Variants in ARSB observed in about 807,000 individuals in gnomAD.
The protein encoded by ARSB is arylsulfatase B.
A neutral mutation model predicts 50.9 loss-of-function variants in ARSB; 41 were observed. The ratio of observed to expected loss-of-function variants is 0.81; its 90% CI spans 0.63 to 1.04. The LOEUF is 1.04. Ranked by LOEUF, ARSB falls within the 50% of genes least tolerant of loss-of-function variation. ARSB has a pLI of 0.00. For synonymous variants in ARSB, 269 were observed against 284.8 expected (o/e 0.94, Z 0.56); for missense variants, 672 against 693.3 (o/e 0.97, Z 0.35).
At chr5:78,931,562 A>G (rs1284855232) in intron 4 of ARSB, among the ~76,000 whole-genome samples, 2 of 152,104 alleles carry the variant, frequency 1.3e-5, no homozygotes, top group African/African-American at 4.8e-5. Flanking sequence ...AGAACTTGAG[A>G]AAGATAAAAA....
At chr5:78,827,932 T>A (rs891127916) in intron 6 of ARSB, among the ~76,000 whole-genome samples, 1 of 152,124 alleles carries the variant, frequency 6.6e-6, no homozygotes, top group East Asian at 1.9e-4. Flanking sequence ...AGCATCTATA[T>A]AACCACCTGT....
chr5:78,806,783 A>G (rs938210499), intron 6 of ARSB, among the ~76,000 whole-genome samples: 1 of 152,136 alleles, frequency 6.6e-6, no homozygotes, highest in African/African-American at 2.4e-5. Flanking sequence ...TGTGATAAAT[A>G]TGGTTTTGGT....
chr5:78,957,154 T>G (rs1211126698), intron 3 of ARSB, among the ~76,000 whole-genome samples: 3 of 145,508 alleles, frequency 2.1e-5, no homozygotes, highest in Non-Finnish European at 4.6e-5. Flanking sequence ...TACAGAATTC[T>G]TTAATGAGTT....
At chr5:78,972,914 T>C (rs1752520670) in intron 1 of ARSB, among the ~76,000 whole-genome samples, 1 of 152,230 alleles carries the variant, frequency 6.6e-6, no homozygotes, top group Non-Finnish European at 1.5e-5. Context: ...TCCTGAGAAT[T>C]TATTTGACAG....
intron 5 of ARSB, among the ~76,000 whole-genome samples, chr5:78,877,491 C>A (rs6876288): frequency 3.9e-5 from 6 of 151,970 alleles, no homozygotes; most frequent in African/African-American, 1.5e-4. Flanking sequence ...CGGGTTCAAG[C>A]GATTCTCCTG....
rs10474568 is a variant in ARSB, at chr5:78,810,439, G to T, written c.1214-28465C>A. On this transcript the variant is annotated intron_variant, in intron 6 of 7. Coordinates refer to ENST00000264914, the MANE Select transcript of ARSB (RefSeq NM_000046.5). ...AGTTATTTGTTTCTCCTTTGCTTTG[G>T]AAAGAGATTGTCTAGAGAATTTGGA... Among the ~76,000 whole-genome samples the T allele has an allele frequency of 8.8e-3, 1,345 of 152,336 alleles. 9 individuals carry two copies. The highest frequency in any genetic ancestry group is 0.022 in the South Asian group (104 of 4,820).
At chr5:78,870,805 T>C (rs1747110391) in intron 5 of ARSB, among the ~76,000 whole-genome samples, 2 of 151,616 alleles carry the variant, frequency 1.3e-5, no homozygotes, top group South Asian at 4.2e-4. Flanking sequence ...GTGTTGGAAG[T>C]TCTGGCCAGG....
At chr5:78,887,742 A>G (rs1288615488) in intron 4 of ARSB, among the ~76,000 whole-genome samples, 2 of 152,190 alleles carry the variant, frequency 1.3e-5, no homozygotes, top group Non-Finnish European at 2.9e-5. Context: ...GGATTCCAAC[A>G]AGGTCTGTGT....
chr5:78,906,180 AAAAT>A (rs1382236446), intron 4 of ARSB, among the ~76,000 whole-genome samples: 2 of 152,034 alleles, frequency 1.3e-5, no homozygotes, highest in Non-Finnish European at 2.9e-5. Flanking sequence ...AAAAAAAAAA[AAAAT>A]TAGCCAAGTG....
intron 1 of ARSB, among the ~76,000 whole-genome samples, chr5:78,971,767 T>C (rs1295832972): frequency 1.3e-5 from 2 of 152,200 alleles, no homozygotes; most frequent in African/African-American, 4.8e-5. Context: ...TTAAAGTGGG[T>C]TTATCTTGAG....
chr5:78,878,741 A>T (rs1166501097), intron 5 of ARSB, among the ~76,000 whole-genome samples: 2 of 152,136 alleles, frequency 1.3e-5, no homozygotes, highest in African/African-American at 4.8e-5. Flanking sequence ...ATAATGACAT[A>T]CTAAGTTTTT....
chr5:78,885,867 C>T (rs1482318918), intron 4 of ARSB, 40 bp from the exon 5 acceptor site: 2 of 1,614,088 alleles, frequency 1.2e-6, no homozygotes, highest in East Asian at 4.5e-5. Context: ...ATGATGTTAA[C>T]TCTTAAATAC....
chr5:78,906,202 G>A (rs192086002), intron 4 of ARSB, among the ~76,000 whole-genome samples: 193 of 152,056 alleles, frequency 1.3e-3, no homozygotes, highest in African/African-American at 4.2e-3. Context: ...GTGTAGTGGT[G>A]CATGACTGCA....
chr5:78,778,533 G>A lies in ARSB; in HGVS notation c.*1864C>T, dbSNP rs1410315999. 4 of 152,198 alleles carry A rather than the reference G, an allele frequency of 2.6e-5. No individual in the cohort carries two copies. Among genetic ancestry groups the A allele is most frequent in the Non-Finnish European group, 4.4e-5 (3 of 68,042 alleles). The allele number at this position is 152,198 out of a possible 1,614,324, so 9.4% of individuals were successfully genotyped here. ...CTTTTCTCCCCCCACTGGAGAGGACGCTACAACCTTGCTATAGAGTGTCCT... is the reference window on the plus strand; with the variant it reads ...CTTTTCTCCCCCCACTGGAGAGGACACTACAACCTTGCTATAGAGTGTCCT... On this transcript the variant is annotated 3_prime_UTR_variant, in exon 8 of 8. Transcript: ENST00000264914.
At chr5:78,945,747 C>T (rs1190615962) in intron 4 of ARSB, among the ~76,000 whole-genome samples, 4 of 151,982 alleles carry the variant, frequency 2.6e-5, no homozygotes, top group South Asian at 2.1e-4. Context: ...GCAATGCAGA[C>T]CCCCCTCCAG....
chr5:78,826,043 C>T (rs1415151405), intron 6 of ARSB, among the ~76,000 whole-genome samples: 2 of 147,820 alleles, frequency 1.4e-5, no homozygotes, highest in East Asian at 4.0e-4. Flanking sequence ...CATGTCTTTC[C>T]TTTTTCTTTC....
At chr5:78,976,522 G>A (rs1022065130) in intron 1 of ARSB, among the ~76,000 whole-genome samples, 18 of 152,016 alleles carry the variant, frequency 1.2e-4, no homozygotes, top group African/African-American at 4.3e-4. Context: ...CACCGAGGCT[G>A]CTCTCGAACT....
intron 6 of ARSB, among the ~76,000 whole-genome samples, chr5:78,819,850 G>T (rs1399781076): frequency 6.6e-6 from 1 of 152,256 alleles, no homozygotes; most frequent in Non-Finnish European, 1.5e-5. Context: ...GAAGGGCCAA[G>T]TCAGCTCATG....
chr5:78,913,772 GA>G (rs143855549), intron 4 of ARSB, among the ~76,000 whole-genome samples: 2,593 of 151,816 alleles, frequency 0.017, 79 homozygotes, highest in African/African-American at 0.06. Flanking sequence ...TCAGCTGGGG[GA>G]AAAAAAATTT....
Sources: allele counts gnomAD v4.1 joint callset (sites outside exome capture counted in the v4.1 genomes callset), GRCh38; gene constraint gnomAD v4.1.1; transcripts MANE v1.5; gene names NCBI Gene and HGNC (gene_info 2026-07-23, HGNC 2026-07-21).